DNAJC3: variants seen among roughly 807,000 people sequenced by gnomAD.
The protein encoded by DNAJC3 is DnaJ heat shock protein family (Hsp40) member C3.
DNAJC3 carries 38 observed loss-of-function variants against 68.6 expected under a neutral mutation model. The ratio of observed to expected loss-of-function variants is 0.55; its 90% confidence interval spans 0.43 to 0.73. The LOEUF is 0.73. Among genes scored for constraint, DNAJC3 ranks in the 30% least tolerant of loss-of-function variants. The pLI, the probability that DNAJC3 is intolerant of heterozygous loss-of-function variation, is 0.00. For missense variants in DNAJC3, 526 were observed against 591.9 expected, an observed-to-expected ratio of 0.89 and a Z score of 1.16; for synonymous variants, 203 against 204.0, an observed-to-expected ratio of 1.00 and a Z score of 0.04.
chr13:95,722,838 CCG>C (rs1266795318), intron 2 of DNAJC3, among the ~76,000 whole-genome samples: 10 of 32,868 alleles, frequency 3.0e-4, no homozygotes, highest in African/African-American at 8.9e-4. Context: ...CCCCCCCCCC[CCG>C]CCGAAAAAGG....
intron 4 of DNAJC3, among the ~76,000 whole-genome samples, chr13:95,728,718 T>C (rs189053163): frequency 2.0e-5 from 3 of 152,350 alleles, no homozygotes; most frequent in Non-Finnish European, 4.4e-5. Context: ...TTGAGGAACA[T>C]GTGATGCCTT....
intron 4 of DNAJC3, among the ~76,000 whole-genome samples, chr13:95,755,118 T>C (rs1320930324): frequency 6.6e-6 from 1 of 151,632 alleles, no homozygotes; most frequent in Non-Finnish European, 1.5e-5. Context: ...AAGGGGGTGA[T>C]TGAGAGGAGT....
At chr13:95,773,957 G>A (rs1276823224) in intron 9 of DNAJC3, among the ~76,000 whole-genome samples, 4 of 151,650 alleles carry the variant, frequency 2.6e-5, no homozygotes, top group African/African-American at 7.3e-5. Context: ...GGATGGTCTC[G>A]ATCTCCTGAC....
chr13:95,699,169 A>C (rs1880525129), intron 1 of DNAJC3, among the ~76,000 whole-genome samples: 2 of 152,222 alleles, frequency 1.3e-5, no homozygotes, highest in South Asian at 4.1e-4. Context: ...ACACCAAAAG[A>C]ATAATAATTA....
intron 4 of DNAJC3, among the ~76,000 whole-genome samples, chr13:95,732,978 T>C (rs190955778): frequency 1.5e-3 from 225 of 152,312 alleles, no homozygotes; most frequent in African/African-American, 5.2e-3. Context: ...TCTAGTTTTA[T>C]TCCAATGTGG....
At chr13:95,764,645 C>CATAT (rs755441205) in intron 9 of DNAJC3, among the ~76,000 whole-genome samples, 4,626 of 56,154 alleles carry the variant, frequency 0.082, 222 homozygotes, top group Non-Finnish European at 0.1. Context: ...AAATAGAATC[C>CATAT]ATATATATAT....
In DNAJC3 at chr13:95,794,674, G is replaced by A. The variant is rs767791313; in HGVS notation, c.*3644G>A. 1 of 152,188 alleles carries A rather than the reference G, an allele frequency of 6.6e-6. No homozygotes were observed. The highest frequency in any genetic ancestry group is 1.9e-4 in the East Asian group (1 of 5,192). 9.4% of individuals were successfully genotyped at this position (152,188 alleles called of 1,614,324 possible). A position where few individuals can be genotyped will look rare whatever the true frequency, so the allele number is the denominator to read the frequency against. ...AATGATTGATTTAAGAGTAAAATTA[G>A]CCACTGCGTGGCTTTGTGTATAGTA... On this transcript the variant is annotated 3_prime_UTR_variant, in exon 12 of 12. Coordinates refer to ENST00000602402, the MANE Select transcript of DNAJC3 (RefSeq NM_006260.5).
intron 2 of DNAJC3, among the ~76,000 whole-genome samples, chr13:95,714,388 C>T (rs1881070068): frequency 6.8e-6 from 1 of 147,424 alleles, no homozygotes; most frequent in Non-Finnish European, 1.5e-5. Flanking sequence ...CTGTCTGTCT[C>T]CTTCTCTGTC....
chr13:95,731,128 T>C (rs933752661), intron 4 of DNAJC3, among the ~76,000 whole-genome samples: 4 of 152,206 alleles, frequency 2.6e-5, no homozygotes, highest in African/African-American at 9.6e-5. Flanking sequence ...GAGATGCTAT[T>C]GATTTTTGTA....
rs1258948319 is a variant in DNAJC3, at chr13:95,742,935, A to G, written c.394-14709A>G. ...TGTTTTATTTTTAAGCCCATAGTCT[A>G]TTTGAGTTAATTTTTGTATGATGGT... is the stretch of plus-strand genomic sequence containing the variant. On this transcript the variant is annotated intron_variant, in intron 4 of 11. Coordinates refer to ENST00000602402, the MANE Select transcript of DNAJC3 (RefSeq NM_006260.5). The G allele has an allele frequency of 6.6e-6, 3 of 451,592 alleles. No individual in the cohort carries two copies. The Admixed American group carries it at 7.3e-5, about 11-fold the overall frequency. 28.0% of individuals were successfully genotyped at this position (451,592 alleles called of 1,614,324 possible).
rs765549973 is a variant in DNAJC3 at position 95,760,822 on chromosome 13, G to A, written c.848+24G>A. ...AGGTGAGAATATGGTTGTTCCAACT[G>A]TCCAGCCATTCCTTATGTGCGGGGC... On this transcript the variant is annotated intron_variant, in intron 7 of 11. Coordinates refer to ENST00000602402, the MANE Select transcript of DNAJC3 (RefSeq NM_006260.5). The A allele has an allele frequency of 3.7e-6, 6 of 1,604,572 alleles. No homozygotes were observed. In the South Asian group the frequency reaches 6.7e-5, roughly 18 times the overall value.
intron 9 of DNAJC3, among the ~76,000 whole-genome samples, chr13:95,776,989 T>G (rs2139689205): frequency 6.6e-6 from 1 of 152,354 alleles, no homozygotes; most frequent in Non-Finnish European, 1.5e-5. Flanking sequence ...TTAGTCTTGG[T>G]TCTACGTGAA....
intron 4 of DNAJC3, among the ~76,000 whole-genome samples, chr13:95,728,195 AT>A (rs1881591956): frequency 6.6e-6 from 1 of 152,108 alleles, no homozygotes; most frequent in African/African-American, 2.4e-5. Flanking sequence ...GTGAACGTGA[AT>A]TTTTGTTATC....
chr13:95,764,749 G>GTA (rs1268139667), intron 9 of DNAJC3, among the ~76,000 whole-genome samples: 6 of 81,740 alleles, frequency 7.3e-5, no homozygotes, highest in African/African-American at 1.9e-4. Flanking sequence ...TATAATACAT[G>GTA]TATATATATA....
intron 4 of DNAJC3, among the ~76,000 whole-genome samples, chr13:95,751,778 G>C (rs1439993513): frequency 6.6e-6 from 1 of 152,184 alleles, no homozygotes; most frequent in Non-Finnish European, 1.5e-5. Flanking sequence ...AAGGAAAGAG[G>C]TTTAATAGAC....
chr13:95,774,105 T>C, intron 9 of DNAJC3, among the ~76,000 whole-genome samples: 1 of 152,242 alleles, frequency 6.6e-6, no homozygotes, highest in East Asian at 1.9e-4. Flanking sequence ...TATTACTTTA[T>C]TGATTTCTGC....
chr13:95,785,940 T>C lies in DNAJC3; in HGVS notation c.1077T>C (p.Ala359=). Residue 359 remains alanine (A), a splice_region_variant and synonymous_variant, in exon 10 of 12, where the codon GCT becomes GCC. Coordinates refer to ENST00000602402, the MANE Select transcript of DNAJC3 (RefSeq NM_006260.5). ...ATTATCTTAAACATATTTTGACAGC[T>C]ATTCAGGATTATGAAACTGCTCAGG... ...AYLIEEMYDE[A]IQDYETAQEH... is the part of the protein sequence containing the mutation. The C allele has an allele frequency of 6.3e-7, 1 of 1,582,622 alleles. No individual in the cohort carries two copies. The highest frequency in any genetic ancestry group is 8.5e-7 in the Non-Finnish European group (1 of 1,169,772).
chr13:95,688,927 G>GGTGGGTGT (rs1555321770), intron 1 of DNAJC3, among the ~76,000 whole-genome samples: 36 of 129,752 alleles, frequency 2.8e-4, no homozygotes, highest in African/African-American at 1.0e-3. Flanking sequence ...TGATTGTGTG[G>GGTGGGTGT]GTGTGTGTGT....
intron 3 of DNAJC3, among the ~76,000 whole-genome samples, chr13:95,724,248 C>G (rs1338644606): frequency 6.6e-6 from 1 of 151,286 alleles, no homozygotes; most frequent in East Asian, 2.0e-4. Flanking sequence ...ATAGTTTAAT[C>G]TTGCTTTTTA....
Sources: allele counts gnomAD v4.1 joint callset (sites outside exome capture counted in the v4.1 genomes callset), GRCh38; gene constraint gnomAD v4.1.1; transcripts MANE v1.5; gene names NCBI Gene and HGNC (gene_info 2026-07-23, HGNC 2026-07-21).